DOCK8: variants seen among roughly 807,000 people sequenced by gnomAD.
The protein encoded by DOCK8 is dedicator of cytokinesis 8, also known as dedicator of cytokinesis protein 8.
In DOCK8, 141 loss-of-function variants were observed where a neutral mutation model predicts 245.6. That is an observed-to-expected ratio of 0.57 (90% CI 0.50 to 0.66). The LOEUF (loss-of-function observed/expected upper bound fraction) is 0.66. Among genes scored for constraint, DOCK8 ranks in the 30% least tolerant of loss-of-function variants. DOCK8 has a pLI of 0.00. For missense variants in DOCK8, 2,965 were observed against 2,603.4 expected (o/e 1.14, Z -3.02); for synonymous variants, 1,168 against 970.2 (o/e 1.20, Z -3.79).
intron 1 of DOCK8, chr9:220,971 C>G (rs778326560): frequency 5.0e-6 from 1 of 198,540 alleles, no homozygotes; most frequent in African/African-American, 2.4e-5. Context: ...GAAAGGCTCT[C>G]TGGGCTCTAG....
chr9:342,402 G>C (rs2051649311), intron 14 of DOCK8, among the ~76,000 whole-genome samples: 1 of 150,232 alleles, frequency 6.7e-6, no homozygotes, highest in African/African-American at 2.5e-5. Flanking sequence ...CTTTTTAATG[G>C]CTTGCATTTT....
intron 1 of DOCK8, among the ~76,000 whole-genome samples, chr9:231,581 C>T (rs2047118770): frequency 6.6e-6 from 1 of 152,070 alleles, no homozygotes. Context: ...TTTCATTGAG[C>T]AGTGGTTTGT....
chr9:211,521 A>G (rs1027281555), upstream of DOCK8, among the ~76,000 whole-genome samples: 6 of 152,150 alleles, frequency 3.9e-5, no homozygotes, highest in Non-Finnish European at 8.8e-5. Flanking sequence ...AGCCATTTAA[A>G]ATCTTATTTT....
At chr9:422,202 G>C in intron 33 of DOCK8, 67 bp downstream of exon 33, 1 of 1,341,992 alleles carries the variant, frequency 7.5e-7, no homozygotes, top group Admixed American at 1.7e-5. Context: ...CAGGCTGCTT[G>C]TATTACTGAA....
At chr9:278,725 A>G (rs1210919460) in intron 2 of DOCK8, among the ~76,000 whole-genome samples, 1 of 152,224 alleles carries the variant, frequency 6.6e-6, no homozygotes, top group Non-Finnish European at 1.5e-5. Flanking sequence ...AAAGTCCCCA[A>G]AACTTCAATA....
At chr9:452,237 C>T (rs2057491795) in intron 46 of DOCK8, 120 bp downstream of exon 46, 2 of 679,214 alleles carry the variant, frequency 2.9e-6, no homozygotes, top group Non-Finnish European at 2.6e-6. Context: ...AGGCACCCTC[C>T]AGACCTGCTG....
rs5895846 is a variant in DOCK8, at chr9:463,276, TAA to T, written c.6069-230_6069-229del. 0.24 allele frequency among the ~76,000 whole-genome samples: 35,660 copies of T among 148,576 alleles called. 4,534 individuals are homozygous for T. The highest frequency in any genetic ancestry group is 0.4 in the East Asian group (2,080 of 5,138). ...CGTCTCAAAAAATAATAAAATAAGGTAAAAAAAAAAAACAAACACAGAGATTT... is the reference window on the plus strand; with the variant it reads ...CGTCTCAAAAAATAATAAAATAAGGTAAAAAAAAAACAAACACAGAGATTT... On this transcript the variant is annotated intron_variant, in intron 46 of 47. Coordinates refer to ENST00000432829, the MANE Select transcript of DOCK8 (RefSeq NM_203447.4).
chr9:353,905 G>A (rs941799861), intron 14 of DOCK8, among the ~76,000 whole-genome samples: 6 of 152,108 alleles, frequency 3.9e-5, no homozygotes, highest in African/African-American at 1.4e-4. Context: ...GCCTCTTCAG[G>A]AGACATTAAT....
chr9:389,724 G>C (rs1163708845), intron 23 of DOCK8, among the ~76,000 whole-genome samples: 4 of 152,214 alleles, frequency 2.6e-5, no homozygotes, highest in Non-Finnish European at 5.9e-5. Context: ...AGGAGATTCT[G>C]ATACACAGAG....
chr9:433,055 T>G (rs1185471895), intron 37 of DOCK8, among the ~76,000 whole-genome samples: 1 of 152,282 alleles, frequency 6.6e-6, no homozygotes, highest in Non-Finnish European at 1.5e-5. Context: ...TTCCGGAGTC[T>G]GTTTTGCCCT....
chr9:214,993 G>C lies in DOCK8; in HGVS notation c.17G>C (p.Ser6Thr), dbSNP rs756971694. 6.3e-7 allele frequency: 1 copy of C among 1,597,784 alleles called. No homozygotes were observed. The highest frequency in any genetic ancestry group is 8.5e-7 in the Non-Finnish European group (1 of 1,176,000). Residue 6 changes from serine (S) to threonine (T), a missense_variant, in exon 1 of 48, where the codon AGC becomes ACC. Around this residue, in one of 3 missense-constraint regions of DOCK8, gnomAD observed 2,825 missense variants for 2,453.5 expected, o/e 1.15. Transcript: ENST00000432829. ...CGGCGGGCCATGGCCACTCTGCCGA[G>C]CGCAGAGCGCCGCGCGTTCGCGCTC... MATLP[S>T]AERRAFALKI...
intron 4 of DOCK8, among the ~76,000 whole-genome samples, chr9:295,458 C>T (rs1449939569): frequency 6.6e-6 from 1 of 152,100 alleles, no homozygotes; most frequent in African/African-American, 2.4e-5. Flanking sequence ...AATAATAATT[C>T]AATAAGTATT....
At chr9:348,984 GT>G (rs1321511992) in intron 14 of DOCK8, among the ~76,000 whole-genome samples, 2 of 152,216 alleles carry the variant, frequency 1.3e-5, no homozygotes, top group Non-Finnish European at 2.9e-5. Flanking sequence ...TGGATGTCCT[GT>G]GGTTTCAGGC....
At chr9:447,640 A>G (rs1487216019) in intron 44 of DOCK8, among the ~76,000 whole-genome samples, 4 of 152,184 alleles carry the variant, frequency 2.6e-5, no homozygotes, top group African/African-American at 4.8e-5. Context: ...TTTTCTTTCC[A>G]CACCCATGGT....
intron 31 of DOCK8, 107 bp downstream of exon 31, chr9:420,690 C>G: frequency 2.1e-6 from 3 of 1,439,694 alleles, no homozygotes; most frequent in South Asian, 2.3e-5. Flanking sequence ...ATTAATTTTT[C>G]TCATTTCTGT....
chr9:339,473 A>C (rs778867191), intron 13 of DOCK8, among the ~76,000 whole-genome samples: 1 of 152,138 alleles, frequency 6.6e-6, no homozygotes. Context: ...GCAGCCCTGG[A>C]GGTACTTCTG....
chr9:367,875 C>T (rs558007695), intron 14 of DOCK8, 143 bp from the exon 15 acceptor site: 4 of 686,134 alleles, frequency 5.8e-6, no homozygotes, highest in Admixed American at 4.5e-5. Flanking sequence ...GTAATTCACT[C>T]CCCCCAATAA....
At chr9:237,634 G>A (rs2047285991) in intron 1 of DOCK8, among the ~76,000 whole-genome samples, 1 of 152,188 alleles carries the variant, frequency 6.6e-6, no homozygotes, top group Non-Finnish European at 1.5e-5. Context: ...CAGTCTGGGT[G>A]ACAGAGCAAG....
At position 399,801 on chromosome 9, in the gene DOCK8, C is replaced by A. The variant is rs1193899017; in HGVS notation, c.3234+542C>A. On this transcript the variant is annotated intron_variant, in intron 26 of 47. Transcript: ENST00000432829. Reference sequence around the variant, plus strand: ...CCCCAGATTTTTAAATGGAATTATTCATGTGCTGTCTCCCTCAAACTACCT... The same window carrying A: ...CCCCAGATTTTTAAATGGAATTATTAATGTGCTGTCTCCCTCAAACTACCT... Among the ~76,000 whole-genome samples the A allele has an allele frequency of 2.6e-5, 4 of 152,060 alleles. No homozygotes were observed. The South Asian group carries it at 8.3e-4, about 31-fold the overall frequency.
Sources: allele counts gnomAD v4.1 joint callset (sites outside exome capture counted in the v4.1 genomes callset), GRCh38; gene constraint gnomAD v4.1.1; regional missense constraint gnomAD v4.1.1; transcripts MANE v1.5; gene names NCBI Gene and HGNC (gene_info 2026-07-23, HGNC 2026-07-21).